The following ATP2B1 variants were observed in gnomAD, a reference collection of about 807,000 sequenced individuals.
ATP2B1 encodes the protein ATPase plasma membrane Ca2+ transporting 1.
ATP2B1 carries 14 observed loss-of-function variants against 124.2 expected under a neutral mutation model. That is an observed-to-expected ratio of 0.11 (90% CI 0.07 to 0.18). The LOEUF is 0.18. ATP2B1 is among the 10% of genes least tolerant of loss of function. The pLI is 1.00. For synonymous variants in ATP2B1, 449 were observed against 492.4 expected (o/e 0.91, Z 1.17); for missense variants, 763 against 1,466.1 (o/e 0.52, Z 7.83).
intron 1 of ATP2B1, among the ~76,000 whole-genome samples, chr12:89,694,928 A>G (rs1309482207): frequency 6.6e-6 from 1 of 151,956 alleles, no homozygotes; most frequent in Non-Finnish European, 1.5e-5. Flanking sequence ...ATGGTGGCAC[A>G]TGCCTATAGT....
chr12:89,624,990 G>A (rs1565834547), intron 8 of ATP2B1, among the ~76,000 whole-genome samples: 1 of 151,964 alleles, frequency 6.6e-6, no homozygotes, highest in Non-Finnish European at 1.5e-5. Context: ...TAGGGCAGCT[G>A]GCTGGGCGCA....
chr12:89,679,308 C>T (rs1381109476), intron 1 of ATP2B1, among the ~76,000 whole-genome samples: 1 of 152,130 alleles, frequency 6.6e-6, no homozygotes, highest in African/African-American at 2.4e-5. Context: ...ATATCTGACC[C>T]TTTACAAAAA....
intron 1 of ATP2B1, among the ~76,000 whole-genome samples, chr12:89,684,037 GA>G (rs1269979189): frequency 6.6e-6 from 1 of 152,058 alleles, no homozygotes; most frequent in Non-Finnish European, 1.5e-5. Context: ...CAATATGGTG[GA>G]ATTTCCAAGA....
At chr12:89,592,295 T>C (rs977701777) in intron 20 of ATP2B1, among the ~76,000 whole-genome samples, 22 of 152,088 alleles carry the variant, frequency 1.4e-4, no homozygotes, top group Admixed American at 5.2e-4. Flanking sequence ...TGCTTTTGCT[T>C]TGATTCTAAT....
At chr12:89,643,622 A>T (rs1404104521) in intron 2 of ATP2B1, among the ~76,000 whole-genome samples, 2 of 152,238 alleles carry the variant, frequency 1.3e-5, no homozygotes, top group African/African-American at 4.8e-5. Context: ...TAGTTGGATG[A>T]ACATCCATTT....
chr12:89,692,353 A>G (rs1302105615), intron 1 of ATP2B1, among the ~76,000 whole-genome samples: 3 of 152,186 alleles, frequency 2.0e-5, no homozygotes, highest in East Asian at 3.8e-4. Flanking sequence ...TCATTACGAC[A>G]TTGATGAGAA....
intron 1 of ATP2B1, among the ~76,000 whole-genome samples, chr12:89,661,635 C>T (rs1886703188): frequency 6.6e-6 from 1 of 152,162 alleles, no homozygotes; most frequent in African/African-American, 2.4e-5. Flanking sequence ...CTGGTACTGA[C>T]ACCCTGACCA....
intron 1 of ATP2B1, among the ~76,000 whole-genome samples, chr12:89,688,755 G>A (rs1890233118): frequency 6.6e-6 from 1 of 152,024 alleles, no homozygotes; most frequent in South Asian, 2.1e-4. Flanking sequence ...AGGTTGCTGT[G>A]TACCTGGGAC....
chr12:89,626,013 T>C (rs1379503294), intron 8 of ATP2B1, among the ~76,000 whole-genome samples: 1 of 152,186 alleles, frequency 6.6e-6, no homozygotes, highest in African/African-American at 2.4e-5. Flanking sequence ...ATGGCAGTAA[T>C]ATAGAAACTT....
At chr12:89,699,815 A>G (rs1891610650) in intron 1 of ATP2B1, among the ~76,000 whole-genome samples, 1 of 152,078 alleles carries the variant, frequency 6.6e-6, no homozygotes, top group Non-Finnish European at 1.5e-5. Flanking sequence ...TATGTACATA[A>G]AAACAGTAGT....
intron 1 of ATP2B1, among the ~76,000 whole-genome samples, chr12:89,656,333 A>G (rs1451384324): frequency 2.0e-5 from 3 of 152,242 alleles, no homozygotes; most frequent in African/African-American, 7.2e-5. Flanking sequence ...ATTATTAAAT[A>G]AAACTGCACT....
intron 11 of ATP2B1, among the ~76,000 whole-genome samples, chr12:89,619,234 AGCTT>A (rs1460108763): frequency 6.6e-6 from 1 of 152,214 alleles, no homozygotes; most frequent in Non-Finnish European, 1.5e-5. Flanking sequence ...TCCAAGATCC[AGCTT>A]TTATGCTTTG....
chr12:89,603,700 C>G lies in ATP2B1; in HGVS notation c.2848+12G>C, dbSNP rs758301733. 4 of 1,605,682 alleles carry G rather than the reference C, an allele frequency of 2.5e-6. No homozygotes were observed. In the African/African-American group the frequency reaches 4.0e-5, roughly 16 times the overall value. Reference sequence around the variant, plus strand: ...CAATTAACTGAAGCTTTATTAGACACTGAATTCTTACCAGCAAATAAGAGT... The same window carrying G: ...CAATTAACTGAAGCTTTATTAGACAGTGAATTCTTACCAGCAAATAAGAGT... On this transcript the variant is annotated intron_variant, in intron 17 of 20. Transcript: ENST00000428670. This position sits in a 1 kb window ranked among gnomAD's most constrained non-coding sequence, Gnocchi z 4.3.
At chr12:89,607,593 G>T (rs548824663) in intron 15 of ATP2B1, among the ~76,000 whole-genome samples, 204 of 152,150 alleles carry the variant, frequency 1.3e-3, no homozygotes, top group African/African-American at 4.9e-3. Flanking sequence ...AATTACCTTA[G>T]GTTTTACTAC....
intron 14 of ATP2B1, 116 bp from the exon 15 acceptor site, chr12:89,610,159 T>G (rs1877721792): frequency 2.0e-6 from 2 of 1,000,050 alleles, no homozygotes; most frequent in East Asian, 5.3e-5. Flanking sequence ...TAAACAAATA[T>G]AAAAATGGAA....
chr12:89,608,929 G>A (rs1468109664), intron 15 of ATP2B1, among the ~76,000 whole-genome samples: 1 of 152,166 alleles, frequency 6.6e-6, no homozygotes, highest in African/African-American at 2.4e-5. Flanking sequence ...ATGGGGTAGG[G>A]CGGGGGATCT....
intron 1 of ATP2B1, among the ~76,000 whole-genome samples, chr12:89,671,568 T>C (rs1887989718): frequency 6.6e-6 from 1 of 152,178 alleles, no homozygotes; most frequent in Non-Finnish European, 1.5e-5. Context: ...TTAATATTAT[T>C]ACCCCCAATT....
chr12:89,591,748 C>T (rs938325788), intron 20 of ATP2B1, among the ~76,000 whole-genome samples: 2 of 151,898 alleles, frequency 1.3e-5, no homozygotes, highest in African/African-American at 2.4e-5. Flanking sequence ...AGGGTGTCAC[C>T]GACCATGAAA....
At chr12:89,636,376 CAA>C (rs71448762) in intron 3 of ATP2B1, among the ~76,000 whole-genome samples, 14,580 of 151,926 alleles carry the variant, frequency 0.096, 913 homozygotes, top group African/African-American at 0.17. Flanking sequence ...TGGAACAAAA[CAA>C]AATAGAAAGG....
Sources: gnomAD v4.1 joint callset for allele counts (sites outside exome capture counted in the v4.1 genomes callset) on GRCh38, gnomAD v4.1.1 for gene constraint, Gnocchi (gnomAD v3.1) non-coding constraint, MANE v1.5 for transcripts, NCBI Gene and HGNC (gene_info 2026-07-23, HGNC 2026-07-21) for gene names.